MCCC1: variants seen among roughly 807,000 people sequenced by gnomAD.
MCCC1 encodes the protein methylcrotonyl-CoA carboxylase subunit 1, also known as methylcrotonoyl-CoA carboxylase subunit alpha, mitochondrial.
Under a neutral mutation model 83.8 loss-of-function variants are expected in MCCC1, and 64 were observed. The observed-to-expected ratio is 0.76, with a 90% CI of 0.62 to 0.94. The LOEUF is 0.94. Ranked by LOEUF, MCCC1 falls within the 40% of genes least tolerant of loss-of-function variation. The probability of loss-of-function intolerance (pLI) is 0.00; values close to 1 mark genes in which losing one functional copy is unlikely to be tolerated. For synonymous variants in MCCC1, 322 were observed against 315.4 expected (o/e 1.02, Z -0.22); for missense variants, 807 against 904.7 (o/e 0.89, Z 1.39).
Position 183,015,568 on chromosome 3 carries a change from T to G in MCCC1, c.2050-2A>C. The G allele has an allele frequency of 6.2e-7, 1 of 1,614,152 alleles. No individual in the cohort carries two copies. The highest frequency in any genetic ancestry group is 8.5e-7 in the Non-Finnish European group (1 of 1,179,990). On this transcript the variant is annotated splice_acceptor_variant, in intron 18 of 18. Coordinates refer to ENST00000265594, the MANE Select transcript of MCCC1 (RefSeq NM_020166.5). LOFTEE classifies it high-confidence loss of function. Reference sequence around the variant, plus strand: ...ATCCTTTGGAGACTTTATGGTATGCTGCAGAGACACATGACAGGACAAATG... The same window carrying G: ...ATCCTTTGGAGACTTTATGGTATGCGGCAGAGACACATGACAGGACAAATG...
chr3:183,039,169 C>CAAAACACG (rs1713866494), intron 11 of MCCC1, 34 bp from the exon 12 acceptor site: 1 of 1,584,012 alleles, frequency 6.3e-7, no homozygotes. Context: ...CTCTTCAAGT[C>CAAAACACG]AAAACACGAA....
At chr3:183,103,293 T>C (rs1719349506), upstream of MCCC1, among the ~76,000 whole-genome samples, 1 of 151,908 alleles carries the variant, frequency 6.6e-6, no homozygotes, top group South Asian at 2.1e-4. Flanking sequence ...CCCGAGCGGG[T>C]TGGCACTACT....
At chr3:183,040,065 C>T (rs1418175962) in intron 11 of MCCC1, among the ~76,000 whole-genome samples, 1 of 139,734 alleles carries the variant, frequency 7.2e-6, no homozygotes, top group Non-Finnish European at 1.5e-5. Context: ...CATTGCACTC[C>T]AGCCTGGGCA....
chr3:183,057,213 A>C, intron 8 of MCCC1, 98 bp downstream of exon 8: 1 of 972,374 alleles, frequency 1.0e-6, no homozygotes, highest in Admixed American at 2.0e-5. Flanking sequence ...CAGGAGTTTG[A>C]GGGGTGAGAG....
chr3:183,086,605 C>CG, intron 4 of MCCC1, 88 bp downstream of exon 4: 2 of 1,192,694 alleles, frequency 1.7e-6, no homozygotes, highest in Non-Finnish European at 2.5e-6. Context: ...TTGGGAAAGG[C>CG]TAAAAATAGA....
chr3:183,113,712 TA>T (rs547198324), intron 1 of MCCC1, among the ~76,000 whole-genome samples: 26 of 149,194 alleles, frequency 1.7e-4, no homozygotes, highest in African/African-American at 3.7e-4. Flanking sequence ...CAAAAAAAAA[TA>T]AAAAAAAATT....
chr3:183,080,726 AT>A (rs201241143), intron 4 of MCCC1, among the ~76,000 whole-genome samples: 1,702 of 152,314 alleles, frequency 0.011, 36 homozygotes, highest in African/African-American at 0.039. Flanking sequence ...TGATAAAGAC[AT>A]TACCTGACAC....
chr3:183,075,743 A>AT (rs2108534306), intron 4 of MCCC1, among the ~76,000 whole-genome samples: 1 of 152,008 alleles, frequency 6.6e-6, no homozygotes, highest in Non-Finnish European at 1.5e-5. Flanking sequence ...GGGTTTCACC[A>AT]TGTTAGCCAG....
rs910014691 is a variant in MCCC1, at chr3:183,054,254, C to T, written c.874-2014G>A. 6.0e-5 allele frequency among the ~76,000 whole-genome samples: 9 copies of T among 149,594 alleles called. No individual in the cohort carries two copies. In the East Asian group the frequency reaches 1.2e-3, roughly 20 times the overall value. Reference sequence around the variant, plus strand: ...AGGCTGGAGTGCAGTGGCGCGATCTCGGCTCACTGCAAGCTCCGCCTCCCG... The same window carrying T: ...AGGCTGGAGTGCAGTGGCGCGATCTTGGCTCACTGCAAGCTCCGCCTCCCG... On this transcript the variant is annotated intron_variant, in intron 8 of 18. Coordinates refer to ENST00000265594, the MANE Select transcript of MCCC1 (RefSeq NM_020166.5).
rs550677969 is a variant in MCCC1 at position 183,034,247 on chromosome 3, G to C, written c.1595-170C>G. Among the ~76,000 whole-genome samples the C allele has an allele frequency of 5.9e-5, 9 of 152,126 alleles. No individual in the cohort carries two copies. The East Asian group carries it at 1.2e-3, about 20-fold the overall frequency. ...GGGCGGATCATGAGGTCAGGAGATC[G>C]AGACCATCCTAGCTAACACGGTGAA... On this transcript the variant is annotated intron_variant, in intron 13 of 18. Coordinates refer to ENST00000265594, the MANE Select transcript of MCCC1 (RefSeq NM_020166.5).
chr3:183,041,820 C>T (rs1714114814), intron 10 of MCCC1, 70 bp from the exon 11 acceptor site: 4 of 1,562,636 alleles, frequency 2.6e-6, no homozygotes, highest in Non-Finnish European at 2.6e-6. Context: ...AATCAATGGT[C>T]TTGCTTTTTT....
At position 183,025,746 on chromosome 3, in the gene MCCC1, A is replaced by G; in HGVS notation, c.1731+9T>C. ...CTCTGCACTGTAGAACAAAACCAGT[A>G]AGGCTTACCTGCATGCTATAAGACC... On this transcript the variant is annotated intron_variant, in intron 15 of 18. Transcript: ENST00000265594. 1 of 1,613,148 alleles carries G rather than the reference A, an allele frequency of 6.2e-7. No individual in the cohort carries two copies. Among genetic ancestry groups the G allele is most frequent in the Non-Finnish European group, 8.5e-7 (1 of 1,179,110 alleles).
chr3:183,106,455 C>T (rs916424988), intron 1 of MCCC1, among the ~76,000 whole-genome samples: 2 of 149,386 alleles, frequency 1.3e-5, no homozygotes, highest in African/African-American at 5.1e-5. Flanking sequence ...TACCCTTCAC[C>T]TAGATTTCCC....
chr3:183,058,600 G>C (rs1241547166), intron 7 of MCCC1, among the ~76,000 whole-genome samples: 1 of 152,152 alleles, frequency 6.6e-6, no homozygotes, highest in Non-Finnish European at 1.5e-5. Context: ...CTGCATTCCA[G>C]CCTGGCTGAT....
At chr3:183,110,187 C>A (rs1719470467) in intron 1 of MCCC1, among the ~76,000 whole-genome samples, 1 of 152,090 alleles carries the variant, frequency 6.6e-6, no homozygotes, top group Non-Finnish European at 1.5e-5. Flanking sequence ...TTCTCCCATT[C>A]TGTAGGTTAT....
chr3:183,063,376 G>A (rs549018496), intron 7 of MCCC1, among the ~76,000 whole-genome samples: 1 of 152,204 alleles, frequency 6.6e-6, no homozygotes, highest in East Asian at 1.9e-4. Context: ...ATACTTTAAA[G>A]GTGGTTTCTT....
chr3:183,050,705 CAAAAAAAAAAAAA>C (rs746973567), intron 9 of MCCC1, among the ~76,000 whole-genome samples: 645 of 43,666 alleles, frequency 0.015, 9 homozygotes, highest in African/African-American at 0.039. Flanking sequence ...GACTCTGTCT[CAAAAAAAAAAAAA>C]AAAAAAAAGA....
chr3:183,101,202 G>A (rs571299881), upstream of MCCC1, among the ~76,000 whole-genome samples: 12 of 152,370 alleles, frequency 7.9e-5, no homozygotes, highest in South Asian at 1.2e-3. Context: ...GCTCCTGTGC[G>A]GCCCAAGCCT....
chr3:183,025,614 G>A, intron 15 of MCCC1, 141 bp downstream of exon 15: 1 of 794,548 alleles, frequency 1.3e-6, no homozygotes, highest in East Asian at 2.6e-5. Flanking sequence ...AATTGGGTCT[G>A]AAATACAAGC....
Sources: allele counts gnomAD v4.1 joint callset (sites outside exome capture counted in the v4.1 genomes callset), GRCh38; gene constraint gnomAD v4.1.1; transcripts MANE v1.5; gene names NCBI Gene and HGNC (gene_info 2026-07-23, HGNC 2026-07-21).